Variants in ZHX2 observed in about 807,000 individuals in gnomAD.
The protein encoded by ZHX2 is zinc fingers and homeoboxes protein 2.
ZHX2 carries 6 observed loss-of-function variants against 21.9 expected under a neutral mutation model. The observed-to-expected ratio is 0.27, with a 90% CI of 0.15 to 0.54. The LOEUF (loss-of-function observed/expected upper bound fraction) is 0.54. Ranked by LOEUF, ZHX2 falls within the 20% of genes least tolerant of loss-of-function variation. ZHX2 has a pLI of 0.95. For synonymous variants in ZHX2, 434 were observed against 437.1 expected, an observed-to-expected ratio of 0.99 and a Z score of 0.09; for missense variants, 908 against 1,090.7, an observed-to-expected ratio of 0.83 and a Z score of 2.36.
chr8:122,834,375 C>T (rs1818450801), intron 1 of ZHX2, among the ~76,000 whole-genome samples: 1 of 152,290 alleles, frequency 6.6e-6, no homozygotes, highest in South Asian at 2.1e-4. Flanking sequence ...TGGGGTCCTC[C>T]GCAGAGGGGG....
At chr8:122,806,742 A>C (rs1244339376) in intron 1 of ZHX2, among the ~76,000 whole-genome samples, 1 of 152,236 alleles carries the variant, frequency 6.6e-6, no homozygotes, top group East Asian at 1.9e-4. Context: ...ACTGAAGAAT[A>C]GTCATTTTAC....
intron 2 of ZHX2, among the ~76,000 whole-genome samples, chr8:122,879,985 T>C (rs929648161): frequency 6.6e-6 from 1 of 150,726 alleles, no homozygotes; most frequent in Non-Finnish European, 1.5e-5. Context: ...TTTTTTTTTT[T>C]TTTTTTAGAT....
intron 1 of ZHX2, among the ~76,000 whole-genome samples, chr8:122,820,833 A>G (rs1818132224): frequency 6.6e-6 from 1 of 152,212 alleles, no homozygotes; most frequent in Non-Finnish European, 1.5e-5. Flanking sequence ...TCTGGTTCCG[A>G]AAGGTCAGCC....
rs58065896 is a variant in ZHX2 at position 122,877,703 on chromosome 8, G to A, written c.-220+14164G>A. ...GGCCTGTCCCGGGGAAGTGGCTGCA[G>A]GTGACTTGAAGGCTGATGCATTTTC... On this transcript the variant is annotated intron_variant, in intron 2 of 3. Coordinates refer to ENST00000314393, the MANE Select transcript of ZHX2 (RefSeq NM_014943.5). 3.4e-3 allele frequency among the ~76,000 whole-genome samples: 517 copies of A among 152,324 alleles called. 4 individuals carry two copies. Among genetic ancestry groups the A allele is most frequent in the African/African-American group, 0.012 (494 of 41,580 alleles).
At chr8:122,911,308 G>A (rs1820475005) in intron 2 of ZHX2, among the ~76,000 whole-genome samples, 1 of 151,892 alleles carries the variant, frequency 6.6e-6, no homozygotes, top group Non-Finnish European at 1.5e-5. Flanking sequence ...AAAGTGAAGT[G>A]GGTGGAGTTG....
intron 2 of ZHX2, among the ~76,000 whole-genome samples, chr8:122,880,514 C>T (rs1302938202): frequency 6.6e-6 from 1 of 151,970 alleles, no homozygotes; most frequent in Non-Finnish European, 1.5e-5. Context: ...GTGGTTCATG[C>T]CTGTAATCCC....
intron 2 of ZHX2, among the ~76,000 whole-genome samples, chr8:122,885,081 G>A (rs1341788288): frequency 6.6e-6 from 1 of 152,220 alleles, no homozygotes; most frequent in African/African-American, 2.4e-5. Context: ...AGACAAGCAG[G>A]GCTGGTGAGA....
intron 2 of ZHX2, among the ~76,000 whole-genome samples, chr8:122,865,191 C>T (rs1330169226): frequency 6.6e-6 from 1 of 151,372 alleles, no homozygotes. Flanking sequence ...TGCAGTGGCA[C>T]GATCTCTGCT....
intron 2 of ZHX2, among the ~76,000 whole-genome samples, chr8:122,946,509 T>C (rs950527559): frequency 2.0e-5 from 3 of 152,166 alleles, no homozygotes; most frequent in Non-Finnish European, 2.9e-5. Context: ...TGAACCACAA[T>C]TTTTGGAACA....
At chr8:122,951,083 G>C (rs1222110993) in intron 2 of ZHX2, among the ~76,000 whole-genome samples, 1 of 152,082 alleles carries the variant, frequency 6.6e-6, no homozygotes, top group Non-Finnish European at 1.5e-5. Context: ...TGTTTGTTTG[G>C]TTTGGGCCTG....
intron 2 of ZHX2, among the ~76,000 whole-genome samples, chr8:122,931,913 G>T (rs1821003487): frequency 6.6e-6 from 1 of 152,206 alleles, no homozygotes; most frequent in South Asian, 2.1e-4. Context: ...GGTGGTCATA[G>T]TGGAAAATGA....
At chr8:122,921,298 G>A (rs1182535508) in intron 2 of ZHX2, among the ~76,000 whole-genome samples, 1 of 152,092 alleles carries the variant, frequency 6.6e-6, no homozygotes, top group Non-Finnish European at 1.5e-5. Context: ...TGGCCAGGCT[G>A]TTCTTGAACT....
chr8:122,949,213 T>C (rs1448268735), intron 2 of ZHX2, among the ~76,000 whole-genome samples: 1 of 151,992 alleles, frequency 6.6e-6, no homozygotes, highest in Non-Finnish European at 1.5e-5. Flanking sequence ...AATCCAACTA[T>C]GCAGGAGGCT....
chr8:122,849,888 C>T (rs549026880), intron 1 of ZHX2, among the ~76,000 whole-genome samples: 12 of 152,108 alleles, frequency 7.9e-5, no homozygotes, highest in Non-Finnish European at 1.5e-4. Context: ...TCTCATGCCC[C>T]GCACAGAGCA....
At chr8:122,813,201 A>G (rs1817967106) in intron 1 of ZHX2, among the ~76,000 whole-genome samples, 1 of 151,750 alleles carries the variant, frequency 6.6e-6, no homozygotes, top group African/African-American at 2.4e-5. Context: ...TGTCTCAAAA[A>G]AAAAAAAAAA....
intron 2 of ZHX2, among the ~76,000 whole-genome samples, chr8:122,924,349 C>T (rs189817183): frequency 2.1e-4 from 32 of 152,262 alleles, no homozygotes; most frequent in African/African-American, 7.0e-4. Flanking sequence ...CCTCTGCACC[C>T]GAGTTTCCCC....
chr8:122,816,105 T>C (rs1818029434), intron 1 of ZHX2, among the ~76,000 whole-genome samples: 2 of 144,394 alleles, frequency 1.4e-5, no homozygotes, highest in African/African-American at 5.1e-5. Context: ...AAAAGGGAGA[T>C]TGCCATAGCC....
chr8:122,943,920 G>A (rs979802711), intron 2 of ZHX2, among the ~76,000 whole-genome samples: 1 of 152,040 alleles, frequency 6.6e-6, no homozygotes, highest in East Asian at 1.9e-4. Flanking sequence ...CAGGCTCTTC[G>A]CCATCTAGCC....
intron 1 of ZHX2, among the ~76,000 whole-genome samples, chr8:122,851,872 A>C (rs1212964693): frequency 6.6e-6 from 1 of 152,262 alleles, no homozygotes; most frequent in Non-Finnish European, 1.5e-5. Flanking sequence ...ACCATCTGTC[A>C]TGAGGCAGAA....
Sources: allele counts gnomAD v4.1 joint callset (sites outside exome capture counted in the v4.1 genomes callset), GRCh38; gene constraint gnomAD v4.1.1; transcripts MANE v1.5; gene names NCBI Gene and HGNC (gene_info 2026-07-23, HGNC 2026-07-21).